PAK1: variants seen among roughly 807,000 people sequenced by gnomAD.
The protein encoded by PAK1 is serine/threonine-protein kinase PAK 1.
A neutral mutation model predicts 67.4 loss-of-function variants in PAK1; 29 were observed. That is an observed-to-expected ratio of 0.43 (90% CI 0.32 to 0.59). The LOEUF is 0.59. Ranked by LOEUF, PAK1 falls within the 20% of genes least tolerant of loss-of-function variation. The pLI is 0.07. For missense variants in PAK1, 337 were observed against 670.7 expected, an observed-to-expected ratio of 0.50 and a Z score of 5.50; for synonymous variants, 223 against 237.4, an observed-to-expected ratio of 0.94 and a Z score of 0.56.
At chr11:77,446,536 A>G (rs563202525) in intron 1 of PAK1, among the ~76,000 whole-genome samples, 168 of 148,268 alleles carry the variant, frequency 1.1e-3, no homozygotes, top group African/African-American at 4.1e-3. Flanking sequence ...AAAAAAAAAG[A>G]AAGTTCAGAC....
chr11:77,330,205 C>T (rs183839725), intron 14 of PAK1, among the ~76,000 whole-genome samples: 2,618 of 152,236 alleles, frequency 0.017, 66 homozygotes, highest in African/African-American at 0.06. Context: ...AATGGCCATA[C>T]TGCCCAAGGT....
chr11:77,448,440 C>T (rs1956711759), intron 1 of PAK1, among the ~76,000 whole-genome samples: 1 of 152,148 alleles, frequency 6.6e-6, no homozygotes, highest in Non-Finnish European at 1.5e-5. Flanking sequence ...CAAAATATAA[C>T]ACAGTACAAA....
rs561644813 is a variant in PAK1 at position 77,461,737 on chromosome 11, A to G, written c.-22+11815T>C. On this transcript the variant is annotated intron_variant, in intron 1 of 14. Transcript: ENST00000356341. ...CATAACTAAATTTTAAATTGATTCA[A>G]AAGTTTGTGAAACAAAGCCCTGTTA... Among the ~76,000 whole-genome samples the G allele has an allele frequency of 6.7e-4, 102 of 152,378 alleles. 1 individual carries two copies. The highest frequency in any genetic ancestry group is 2.4e-3 in the African/African-American group (99 of 41,592).
intron 1 of PAK1, among the ~76,000 whole-genome samples, chr11:77,469,887 G>A (rs1043377004): frequency 5.3e-5 from 8 of 151,626 alleles, no homozygotes; most frequent in African/African-American, 1.2e-4. Flanking sequence ...TATATAATTC[G>A]TAATAATCAA....
intron 1 of PAK1, among the ~76,000 whole-genome samples, chr11:77,404,328 C>T (rs897231742): frequency 1.3e-5 from 2 of 151,408 alleles, no homozygotes; most frequent in African/African-American, 4.9e-5. Context: ...AGTGCAGTGG[C>T]GCAATCTCGG....
At chr11:77,527,121 G>A in the PAK1 span, among the ~76,000 whole-genome samples, 2 of 152,002 alleles carry the variant, frequency 1.3e-5, no homozygotes, top group Non-Finnish European at 2.9e-5. Flanking sequence ...TTATTCTTTC[G>A]AGACGGGTTC....
intron 10 of PAK1, among the ~76,000 whole-genome samples, chr11:77,342,473 T>C (rs1190854434): frequency 6.6e-6 from 1 of 152,172 alleles, no homozygotes; most frequent in Non-Finnish European, 1.5e-5. Flanking sequence ...TACTGACAGC[T>C]TTCATTTTTC....
At chr11:77,339,326 T>C (rs1943222928) in intron 11 of PAK1, among the ~76,000 whole-genome samples, 1 of 151,698 alleles carries the variant, frequency 6.6e-6, no homozygotes, top group South Asian at 2.1e-4. Flanking sequence ...GGTAAGGGGG[T>C]GGGGTGAAAA....
At chr11:77,463,559 T>A (rs775376438) in intron 1 of PAK1, among the ~76,000 whole-genome samples, 1 of 152,232 alleles carries the variant, frequency 6.6e-6, no homozygotes, top group African/African-American at 2.4e-5. Flanking sequence ...TTCATCAATA[T>A]TTATTTACTT....
chr11:77,329,650 A>G (rs1296006215), intron 14 of PAK1, among the ~76,000 whole-genome samples: 1 of 152,050 alleles, frequency 6.6e-6, no homozygotes. Flanking sequence ...AATAAGAGCT[A>G]TCTATGACAA....
intron 1 of PAK1, among the ~76,000 whole-genome samples, chr11:77,410,837 C>T (rs1349003694): frequency 6.6e-6 from 1 of 152,002 alleles, no homozygotes; most frequent in African/African-American, 2.4e-5. Flanking sequence ...ACATGAGCTT[C>T]TTGGTGCCAG....
chr11:77,488,617 A>T, the PAK1 span, among the ~76,000 whole-genome samples: 1 of 152,136 alleles, frequency 6.6e-6, no homozygotes, highest in African/African-American at 2.4e-5. Context: ...TAAAAGTGTC[A>T]AGCAGAAATT....
At chr11:77,422,491 G>C (rs1462465693) in intron 1 of PAK1, among the ~76,000 whole-genome samples, 1 of 151,282 alleles carries the variant, frequency 6.6e-6, no homozygotes, top group Non-Finnish European at 1.5e-5. Flanking sequence ...GGAGGCGGAG[G>C]TTGCAGTAAG....
chr11:77,371,305 C>T (rs1307545303), intron 5 of PAK1, among the ~76,000 whole-genome samples: 28 of 152,222 alleles, frequency 1.8e-4, no homozygotes, highest in Admixed American at 1.8e-3. Context: ...CCTTGTACTT[C>T]AGAGCAGAAT....
chr11:77,418,835 C>T (rs1419311292), intron 1 of PAK1, among the ~76,000 whole-genome samples: 2 of 152,144 alleles, frequency 1.3e-5, no homozygotes. Flanking sequence ...AGGAAATCAC[C>T]ACTAATAGGG....
intron 2 of PAK1, among the ~76,000 whole-genome samples, chr11:77,383,058 G>T (rs764473340): frequency 6.6e-6 from 1 of 152,106 alleles, no homozygotes; most frequent in Non-Finnish European, 1.5e-5. Context: ...CATTCCCTGA[G>T]GAAAGAGGCC....
chr11:77,416,366 G>A (rs996797552), intron 1 of PAK1, among the ~76,000 whole-genome samples: 2 of 152,164 alleles, frequency 1.3e-5, no homozygotes, highest in African/African-American at 4.8e-5. Flanking sequence ...GGTCAGGACT[G>A]TCAACATTAG....
chr11:77,519,027 T>C, the PAK1 span, among the ~76,000 whole-genome samples: 1 of 152,214 alleles, frequency 6.6e-6, no homozygotes, highest in South Asian at 2.1e-4. Context: ...CCCTTGATAC[T>C]GCATACACAA....
At chr11:77,399,758 C>T (rs1262778416) in intron 1 of PAK1, among the ~76,000 whole-genome samples, 6 of 134,476 alleles carry the variant, frequency 4.5e-5, no homozygotes, top group Non-Finnish European at 9.3e-5. Flanking sequence ...ACTTGGGAGG[C>T]TGAGGCAGGA....
Sources: gnomAD v4.1 joint callset for allele counts (sites outside exome capture counted in the v4.1 genomes callset) on GRCh38, gnomAD v4.1.1 for gene constraint, MANE v1.5 for transcripts, NCBI Gene and HGNC (gene_info 2026-07-23, HGNC 2026-07-21) for gene names.